Variants in EZR observed in about 807,000 individuals in gnomAD.
The protein encoded by EZR is ezrin.
A neutral mutation model predicts 74.8 loss-of-function variants in EZR; 40 were observed. The ratio of observed to expected loss-of-function variants is 0.53; its 90% CI spans 0.42 to 0.70. The LOEUF (loss-of-function observed/expected upper bound fraction) is 0.70. EZR is among the 30% of genes least tolerant of loss of function. EZR has a pLI of 0.00. For missense variants in EZR, 678 were observed against 755.8 expected, an observed-to-expected ratio of 0.90 and a Z score of 1.21; for synonymous variants, 341 against 283.3, an observed-to-expected ratio of 1.20 and a Z score of -2.05.
rs1292227284 is a variant in EZR, at chr6:158,769,841, C to A, written c.1194G>T (p.Arg398=). The part of the protein sequence containing the change: ...RLEADRMAAL[R]AKEELERQAV... Reference sequence around the variant, plus strand: ...CCTGTCTCTCCAGCTCCTCCTTAGCCCGCAGTGCAGCCATACGGTCAGCCT... The same window carrying A: ...CCTGTCTCTCCAGCTCCTCCTTAGCACGCAGTGCAGCCATACGGTCAGCCT... Residue 398 remains arginine (R), a synonymous_variant, in exon 11 of 14, where the codon CGG becomes CGT. Coordinates refer to ENST00000367075, the MANE Select transcript of EZR (RefSeq NM_001111077.2). 2 of 1,613,926 alleles carry A rather than the reference C, an allele frequency of 1.2e-6. No individual in the cohort carries two copies. The highest frequency in any genetic ancestry group is 8.5e-7 in the Non-Finnish European group (1 of 1,180,042).
In EZR at chr6:158,770,917, C is replaced by T. The variant is rs748827570; in HGVS notation, c.960-23G>A. 2.5e-6 allele frequency: 4 copies of T among 1,614,144 alleles called. No individual in the cohort carries two copies. The East Asian group carries it at 6.7e-5, about 27-fold the overall frequency. On this transcript the variant is annotated intron_variant, in intron 9 of 13. Coordinates refer to ENST00000367075, the MANE Select transcript of EZR (RefSeq NM_001111077.2). ...TGCCTGGTGCAGGGAAAAAGAGGCA[C>T]AGGGAGATTTAGACTCTGGCAGGAA...
intron 1 of EZR, among the ~76,000 whole-genome samples, chr6:158,818,468 G>A (rs1777614355): frequency 6.7e-6 from 1 of 148,250 alleles, no homozygotes; most frequent in African/African-American, 2.5e-5. Context: ...GCACCCAGGG[G>A]ACCCCCAGCA....
chr6:158,785,181 C>G, intron 5 of EZR, 128 bp downstream of exon 5: 1 of 1,179,986 alleles, frequency 8.5e-7, no homozygotes, highest in South Asian at 1.5e-5. Flanking sequence ...GACTTAATGA[C>G]TAGCATGAAG....
intron 2 of EZR, among the ~76,000 whole-genome samples, chr6:158,803,574 T>TAAAAA (rs1562504467): frequency 9.1e-5 from 1 of 10,930 alleles, no homozygotes; most frequent in Non-Finnish European, 1.6e-4. Flanking sequence ...TATATATATA[T>TAAAAA]ATATATACAT....
At position 158,766,733 on chromosome 6, in the gene EZR, G is replaced by T; in HGVS notation, c.*181C>A. The T allele has an allele frequency of 1.5e-6, 1 of 656,762 alleles. No homozygotes were observed. Among genetic ancestry groups the T allele is most frequent in the Non-Finnish European group, 2.7e-6 (1 of 373,372 alleles). 40.7% of individuals were successfully genotyped at this position (656,762 alleles called of 1,614,324 possible). A position where few individuals can be genotyped will look rare whatever the true frequency, so the allele number is the denominator to read the frequency against. On this transcript the variant is annotated 3_prime_UTR_variant, in exon 14 of 14. Coordinates refer to ENST00000367075, the MANE Select transcript of EZR (RefSeq NM_001111077.2). ...GGCCTGCTTGGCACTATTACAACTGGGGAAAACAAACCAGGGCGCCTCCCT... is the reference window on the plus strand; with the variant it reads ...GGCCTGCTTGGCACTATTACAACTGTGGAAAACAAACCAGGGCGCCTCCCT...
Position 158,784,625 on chromosome 6 carries a change from A to C in EZR, c.551+19T>G, listed in dbSNP as rs755309400. ...CGCACGGAGATGGCAAGATCCCAAC[A>C]GCAGGGCACAGCACTCACTTGAGCA... is the stretch of plus-strand genomic sequence containing the variant. On this transcript the variant is annotated intron_variant, in intron 6 of 13. Coordinates refer to ENST00000367075, the MANE Select transcript of EZR (RefSeq NM_001111077.2). 4 of 1,610,340 alleles carry C rather than the reference A, an allele frequency of 2.5e-6. No homozygotes were observed. The South Asian group carries it at 4.4e-5, about 18-fold the overall frequency.
intron 2 of EZR, among the ~76,000 whole-genome samples, chr6:158,805,329 C>T (rs1477564339): frequency 3.8e-5 from 5 of 130,994 alleles, no homozygotes; most frequent in Middle Eastern, 4.5e-3. Context: ...ACAGAGACTC[C>T]ATCTCAGGAA....
intron 2 of EZR, among the ~76,000 whole-genome samples, chr6:158,803,609 ATATATATATATATAT>A (rs1777259559): frequency 6.3e-5 from 1 of 15,996 alleles, no homozygotes; most frequent in African/African-American, 3.3e-4. Flanking sequence ...ATATATACAT[ATATATATATATATAT>A]ACATATACAT....
At position 158,766,891 on chromosome 6, in the gene EZR, T is replaced by G. The variant is rs762087641; in HGVS notation, c.*23A>C. The G allele has an allele frequency of 1.9e-6, 3 of 1,610,982 alleles. No homozygotes were observed. Among genetic ancestry groups the G allele is most frequent in the East Asian group, 2.2e-5 (1 of 44,828 alleles). On this transcript the variant is annotated 3_prime_UTR_variant, in exon 14 of 14. Coordinates refer to ENST00000367075, the MANE Select transcript of EZR (RefSeq NM_001111077.2). ...GCAGCGCCCGCTATGAGCACCCCTC[T>G]GCCCTTGGTCCTGGCCTGGCTGTTA... is the stretch of plus-strand genomic sequence containing the variant.
chr6:158,818,188 T>C, intron 1 of EZR, 22 bp from the exon 2 acceptor site: 2 of 1,380,334 alleles, frequency 1.4e-6, no homozygotes, highest in East Asian at 2.4e-5. Context: ...GCAGAACCCT[T>C]AGAGCGCCCG....
rs1330727229 is a variant in EZR, at chr6:158,767,324, G to A, written c.1533C>T (p.Asp511=). 1.2e-6 allele frequency: 2 copies of A among 1,614,154 alleles called. No individual in the cohort carries two copies. Residue 511 remains aspartate, a synonymous_variant, in exon 13 of 14, where the codon GAC becomes GAT. Transcript: ENST00000367075. ...AELSSEGIRD[D]RNEEKRITEA... is the part of the protein sequence containing the mutation. ...CAGTGATGCGCTTCTCCTCATTGCG[G>A]TCATCCCGGATGCCCTCACTAGACA...
At chr6:158,770,674 C>G (rs2128565891) in intron 10 of EZR, 90 bp downstream of exon 10, 1 of 1,500,830 alleles carries the variant, frequency 6.7e-7, no homozygotes, top group Non-Finnish European at 9.1e-7. Context: ...TCTTGGTTTC[C>G]TTCCTGGTGA....
rs55954930 is a variant in EZR, at chr6:158,765,915, GCAAACAAA to G, written c.*991_*998del. On this transcript the variant is annotated 3_prime_UTR_variant, in exon 14 of 14. Coordinates refer to ENST00000367075, the MANE Select transcript of EZR (RefSeq NM_001111077.2). ...GCCAAGGCCATGGCAGAGAGAGACT[GCAAACAAA>G]CAAACACAAGCAAACAGAGTCTCTT... The G allele has an allele frequency of 2.3e-4, 35 of 151,642 alleles. No homozygotes were observed. The highest frequency in any genetic ancestry group is 8.5e-4 in the African/African-American group (35 of 41,228). 9.4% of individuals were successfully genotyped at this position (151,642 alleles called of 1,614,324 possible).
At chr6:158,787,576 C>T (rs371930386) in intron 3 of EZR, among the ~76,000 whole-genome samples, 17 of 152,270 alleles carry the variant, frequency 1.1e-4, no homozygotes, top group African/African-American at 3.4e-4. Flanking sequence ...GGGAACAGTG[C>T]GGTGGGTGCA....
chr6:158,787,103 C>A lies in EZR; in HGVS notation c.192+5G>T, dbSNP rs1261855726. ...ACAGCCTGTAAATAGTTAATCCTGA[C>A]TTGCCTTCTTATCCAGCTTCAGCCA... On this transcript the variant is annotated splice_donor_5th_base_variant and intron_variant, in intron 4 of 13. Transcript: ENST00000367075. The A allele has an allele frequency of 6.2e-7, 1 of 1,612,158 alleles. No individual in the cohort carries two copies. The highest frequency in any genetic ancestry group is 1.7e-5 in the Admixed American group (1 of 59,996).
chr6:158,808,493 G>C (rs545803944), intron 2 of EZR, among the ~76,000 whole-genome samples: 1 of 147,066 alleles, frequency 6.8e-6, no homozygotes, highest in Admixed American at 6.7e-5. Flanking sequence ...TTATTTCATC[G>C]GGCTGCTAAG....
At chr6:158,787,826 G>A (rs905863636) in intron 3 of EZR, among the ~76,000 whole-genome samples, 7 of 152,202 alleles carry the variant, frequency 4.6e-5, no homozygotes, top group African/African-American at 1.7e-4. Context: ...CTCCAGAAAT[G>A]GGACATTCTG....
Position 158,785,421 on chromosome 6 carries a change from G to A in EZR, c.355C>T (p.Pro119Ser), listed in dbSNP as rs573816250. The change falls in exon 5 of 14, where the codon CCT becomes TCT. Residue 119 changes from proline (P) to serine (S), a missense_variant. Physicochemically the swap from Pro to Ser is moderately conservative, Grantham distance 74 (BLOSUM62 -1). Coordinates refer to ENST00000367075, the MANE Select transcript of EZR (RefSeq NM_001111077.2). ...GILSDEIYCPPETAVLLGSYA... is the reference protein window; with the variant it reads ...GILSDEIYCPSETAVLLGSYA... ...GACCCCAAGAGCACGGCAGTCTCAGGGGGGCAGTAGATCTCATCGCTAAGG... is the reference window on the plus strand; with the variant it reads ...GACCCCAAGAGCACGGCAGTCTCAGAGGGGCAGTAGATCTCATCGCTAAGG... 2 of 1,614,182 alleles carry A rather than the reference G, an allele frequency of 1.2e-6. No homozygotes were observed. The highest frequency in any genetic ancestry group is 1.6e-4 in the Middle Eastern group (1 of 6,062).
intron 2 of EZR, among the ~76,000 whole-genome samples, chr6:158,812,806 C>T (rs942424858): frequency 6.6e-5 from 10 of 152,252 alleles, no homozygotes; most frequent in East Asian, 3.9e-4. Context: ...CATCCACTTG[C>T]GCAAGCCAGA....
Sources: gnomAD v4.1 joint callset for allele counts (sites outside exome capture counted in the v4.1 genomes callset) on GRCh38, gnomAD v4.1.1 for gene constraint, MANE v1.5 for transcripts, NCBI Gene and HGNC (gene_info 2026-07-23, HGNC 2026-07-21) for gene names.